The following VTI1A variants were observed in gnomAD, a reference collection of about 807,000 sequenced individuals.
VTI1A encodes the protein vesicle transport through interaction with t-SNAREs homolog 1A.
Under a neutral mutation model 34.9 loss-of-function variants are expected in VTI1A, and 22 were observed. The observed-to-expected ratio is 0.63, with a 90% CI of 0.45 to 0.90. The LOEUF (loss-of-function observed/expected upper bound fraction) is 0.90, where lower values mean the gene tolerates loss of function less well. VTI1A is among the 40% of genes least tolerant of loss of function. The pLI, the probability that VTI1A is intolerant of heterozygous loss-of-function variation, is 0.00. For synonymous variants in VTI1A, 87 were observed against 97.3 expected (o/e 0.89, Z 0.62); for missense variants, 268 against 275.6 (o/e 0.97, Z 0.20).
intron 7 of VTI1A, among the ~76,000 whole-genome samples, chr10:112,680,596 A>G (rs1002017458): frequency 2.0e-5 from 3 of 152,242 alleles, no homozygotes; most frequent in African/African-American, 4.8e-5. Context: ...AGATTCAACA[A>G]ATTCAAAACT....
chr10:112,849,624 A>G, the VTI1A span, among the ~76,000 whole-genome samples: 27 of 152,200 alleles, frequency 1.8e-4, no homozygotes, highest in Non-Finnish European at 3.8e-4. Flanking sequence ...AAAAGAGCTA[A>G]TGTCATTCTT....
intron 7 of VTI1A, among the ~76,000 whole-genome samples, chr10:112,708,189 A>G (rs1849268245): frequency 6.6e-6 from 1 of 152,364 alleles, no homozygotes; most frequent in South Asian, 2.1e-4. Context: ...GTAATTTCAC[A>G]TGCAAAATAG....
chr10:112,534,913 G>A (rs1589872315), intron 4 of VTI1A, among the ~76,000 whole-genome samples: 1 of 152,102 alleles, frequency 6.6e-6, no homozygotes, highest in Non-Finnish European at 1.5e-5. Context: ...ACCTCTATAC[G>A]AAGAAACTAC....
At chr10:112,607,394 C>G (rs1436400072) in intron 5 of VTI1A, among the ~76,000 whole-genome samples, 1 of 152,114 alleles carries the variant, frequency 6.6e-6, no homozygotes, top group Non-Finnish European at 1.5e-5. Flanking sequence ...TCCCCTGTTA[C>G]AGCACTTAAG....
intron 7 of VTI1A, among the ~76,000 whole-genome samples, chr10:112,772,465 T>C (rs1244235958): frequency 6.6e-6 from 1 of 152,254 alleles, no homozygotes; most frequent in Non-Finnish European, 1.5e-5. Context: ...ATATACGATC[T>C]GCAAACATGT....
intron 5 of VTI1A, among the ~76,000 whole-genome samples, chr10:112,567,226 C>G (rs186319250): frequency 3.9e-5 from 6 of 152,176 alleles, no homozygotes; most frequent in Admixed American, 3.3e-4. Context: ...GACCAGTTCT[C>G]GCCATGTTGC....
chr10:112,697,404 T>TTTTC lies in VTI1A; in HGVS notation c.560+28409_560+28410insCTTT, dbSNP rs755644029. On this transcript the variant is annotated intron_variant, in intron 7 of 7. Coordinates refer to ENST00000393077, the MANE Select transcript of VTI1A (RefSeq NM_145206.4). ...CTTTTCTTTTCTTTTCTTTTCTTTT[T>TTTTC]TTTTTTTTTTTTGAGAGAGTGTTTA... Among the ~76,000 whole-genome samples, 872 of 99,170 alleles carry TTTTC rather than the reference T, an allele frequency of 8.8e-3. 6 individuals carry two copies. The highest frequency in any genetic ancestry group is 0.015 in the Non-Finnish European group (640 of 44,076). 65.1% of individuals were successfully genotyped at this position (99,170 alleles called of 152,430 possible).
intron 7 of VTI1A, among the ~76,000 whole-genome samples, chr10:112,717,121 C>T (rs1391615603): frequency 1.3e-5 from 2 of 152,328 alleles, no homozygotes; most frequent in South Asian, 4.1e-4. Flanking sequence ...GGGACATTGG[C>T]TCAGTGCTGA....
intron 5 of VTI1A, among the ~76,000 whole-genome samples, chr10:112,617,127 A>T (rs920914514): frequency 2.0e-5 from 3 of 152,332 alleles, no homozygotes; most frequent in Middle Eastern, 3.4e-3. Flanking sequence ...GCCAATGAGA[A>T]ATAAAAGCAG....
chr10:112,633,045 G>A (rs1238215339), intron 5 of VTI1A, among the ~76,000 whole-genome samples: 1 of 152,144 alleles, frequency 6.6e-6, no homozygotes, highest in Non-Finnish European at 1.5e-5. Flanking sequence ...GTCTGGGCTG[G>A]GCGTGGTGGC....
At chr10:112,652,343 C>A (rs1462491607) in intron 5 of VTI1A, among the ~76,000 whole-genome samples, 3 of 152,128 alleles carry the variant, frequency 2.0e-5, no homozygotes, top group African/African-American at 7.2e-5. Flanking sequence ...CCGACTGTCT[C>A]AGTGAGTATG....
intron 5 of VTI1A, among the ~76,000 whole-genome samples, chr10:112,647,020 G>A (rs1022818363): frequency 6.6e-6 from 1 of 152,098 alleles, no homozygotes; most frequent in Non-Finnish European, 1.5e-5. Context: ...TTATTGGCTT[G>A]AATTATAATC....
At chr10:112,686,034 T>C (rs1291459041) in intron 7 of VTI1A, among the ~76,000 whole-genome samples, 1 of 152,208 alleles carries the variant, frequency 6.6e-6, no homozygotes, top group African/African-American at 2.4e-5. Flanking sequence ...TGATTTATTG[T>C]TTTCCTGGGA....
chr10:112,618,524 T>TATATATATATAGAGAGAGAGAGAGAGAG (rs748276058), intron 5 of VTI1A, among the ~76,000 whole-genome samples: 2 of 34,576 alleles, frequency 5.8e-5, no homozygotes, highest in African/African-American at 1.6e-4. Context: ...TATATATATA[T>TATATATATATAGAGAGAGAGAGAGAGAG]AGAGAGAGAG....
rs75558217 is a variant in VTI1A, at chr10:112,502,543, T to G, written c.265-24544T>G. On this transcript the variant is annotated intron_variant, in intron 3 of 7. Transcript: ENST00000393077. Reference sequence around the variant, plus strand: ...TATTAGAAGGACGTCTGCAGATGTTTATGTGTTGAATTTCTTACATGAACA... The same window carrying G: ...TATTAGAAGGACGTCTGCAGATGTTGATGTGTTGAATTTCTTACATGAACA... Among the ~76,000 whole-genome samples the G allele has an allele frequency of 2.0e-5, 3 of 152,312 alleles. No individual in the cohort carries two copies. The East Asian group carries it at 5.8e-4, about 29-fold the overall frequency.
intron 2 of VTI1A, among the ~76,000 whole-genome samples, chr10:112,463,635 A>G (rs1301099206): frequency 6.6e-6 from 1 of 152,214 alleles, no homozygotes; most frequent in Non-Finnish European, 1.5e-5. Context: ...GTTAAAAAAA[A>G]AAAAAGCGCC....
chr10:112,831,243 A>T, the VTI1A span: 1 of 152,134 alleles, frequency 6.6e-6, no homozygotes, highest in Non-Finnish European at 1.5e-5. Flanking sequence ...AAACTTCACC[A>T]CCAGCAAGTT....
At chr10:112,486,576 G>A (rs1448692169) in intron 3 of VTI1A, among the ~76,000 whole-genome samples, 1 of 130,440 alleles carries the variant, frequency 7.7e-6, no homozygotes, top group African/African-American at 3.2e-5. Context: ...CTGAGTTTTC[G>A]ACACTGTTAA....
chr10:112,609,964 TC>T (rs774536850), intron 5 of VTI1A, among the ~76,000 whole-genome samples: 1 of 151,988 alleles, frequency 6.6e-6, no homozygotes, highest in Non-Finnish European at 1.5e-5. Context: ...GGCAGTTTAT[TC>T]CTAGGCATTT....
Sources: gnomAD v4.1 joint callset for allele counts (sites outside exome capture counted in the v4.1 genomes callset) on GRCh38, gnomAD v4.1.1 for gene constraint, MANE v1.5 for transcripts, NCBI Gene and HGNC (gene_info 2026-07-23, HGNC 2026-07-21) for gene names.